Variants in MAN2C1 observed in about 807,000 individuals in gnomAD.
The protein encoded by MAN2C1 is alpha-mannosidase 2C1.
MAN2C1 carries 111 observed loss-of-function variants against 126.9 expected under a neutral mutation model. The ratio of observed to expected loss-of-function variants is 0.87; its 90% confidence interval spans 0.75 to 1.02. The LOEUF (loss-of-function observed/expected upper bound fraction) is 1.02. MAN2C1 is among the 50% of genes least tolerant of loss of function. The pLI is 0.00. For missense variants in MAN2C1, 1,363 were observed against 1,364.4 expected (o/e 1.00, Z 0.02); for synonymous variants, 567 against 561.5 (o/e 1.01, Z -0.14).
rs931793249 is a variant in MAN2C1 at position 75,362,878 on chromosome 15, T to G, written c.791-130A>C. 1.4e-6 allele frequency: 1 copy of G among 722,598 alleles called. No homozygotes were observed. Among genetic ancestry groups the G allele is most frequent in the Non-Finnish European group, 2.4e-6 (1 of 424,624 alleles). 44.8% of individuals were successfully genotyped at this position (722,598 alleles called of 1,614,324 possible). On this transcript the variant is annotated intron_variant, in intron 6 of 25. Coordinates refer to ENST00000267978, the MANE Select transcript of MAN2C1 (RefSeq NM_006715.4). The surrounding 1 kb of genome is among the most constrained non-coding windows in gnomAD (Gnocchi z 4.5). ...ACCCTGGAAAGCCCTGTGGTGTCCC[T>G]CCTAAGTGGTCACTTCACTTCACTC...
Position 75,356,453 on chromosome 15 carries a change from G to C in MAN2C1, c.2738-4C>G, listed in dbSNP as rs758237842. On this transcript the variant is annotated splice_region_variant and splice_polypyrimidine_tract_variant and intron_variant, in intron 23 of 25. Transcript: ENST00000267978. The surrounding 1 kb of genome is among the most constrained non-coding windows in gnomAD (Gnocchi z 5.8). ...ACGCCAGCATCCTGGAAAGAGCCTG[G>C]GGTACGACCAGGAAACAATGCTGGT... The C allele has an allele frequency of 8.2e-6, 13 of 1,593,740 alleles. No homozygotes were observed. The South Asian group carries it at 1.3e-4, about 15-fold the overall frequency.
rs779269212 is a variant in MAN2C1, at chr15:75,364,563, C to T, written c.525G>A (p.Arg175=). The change falls in exon 5 of 26, where the codon CGG becomes CGA. Residue 175 remains arginine, a synonymous_variant. Transcript: ENST00000267978. The stretch of plus-strand genomic sequence containing the variant: ...CCCGGTGGAACACAGCTAGCTCAGC[C>T]CGGCTCAGCTGGAACATCTTCTCAG... ...PDPEKMFQLS[R]AELAVFHRDV... is the part of the protein sequence containing the mutation. 9.3e-6 allele frequency: 15 copies of T among 1,611,980 alleles called. No individual in the cohort carries two copies. Among genetic ancestry groups the T allele is most frequent in the Non-Finnish European group, 1.3e-5 (15 of 1,179,018 alleles).
At chr15:75,358,947 C>G in intron 18 of MAN2C1, 112 bp downstream of exon 18, 2 of 1,508,560 alleles carry the variant, frequency 1.3e-6, no homozygotes, top group African/African-American at 1.4e-5. Flanking sequence ...GTGTGGGTTC[C>G]AGCCCAGAGC....
chr15:75,355,881 C>G lies in MAN2C1; in HGVS notation c.*25G>C. 6.2e-7 allele frequency: 1 copy of G among 1,613,470 alleles called. No homozygotes were observed. Among genetic ancestry groups the G allele is most frequent in the South Asian group, 1.1e-5 (1 of 91,026 alleles). ...AATTAGGAGTCCCCAGAGCCTTCTA[C>G]AAACAAAACCCCAGCCCCAGGGACT... On this transcript the variant is annotated 3_prime_UTR_variant, in exon 26 of 26. Coordinates refer to ENST00000267978, the MANE Select transcript of MAN2C1 (RefSeq NM_006715.4).
chr15:75,356,552 A>G lies in MAN2C1; in HGVS notation c.2737+54T>C, dbSNP rs1332243297. ...GGTTGCTGGGGTTTGGGCTCAGGGA[A>G]GGGCAGAGAGGTGTCTAGGGCTGCA... On this transcript the variant is annotated intron_variant, in intron 23 of 25. Coordinates refer to ENST00000267978, the MANE Select transcript of MAN2C1 (RefSeq NM_006715.4). The surrounding 1 kb of genome is among the most constrained non-coding windows in gnomAD (Gnocchi z 5.8). 6.5e-7 allele frequency: 1 copy of G among 1,547,976 alleles called. No individual in the cohort carries two copies. Among genetic ancestry groups the G allele is most frequent in the African/African-American group, 1.4e-5 (1 of 73,302 alleles).
chr15:75,362,583 C>T lies in MAN2C1; in HGVS notation c.897+59G>A. 7 of 1,576,810 alleles carry T rather than the reference C, an allele frequency of 4.4e-6. No homozygotes were observed. The highest frequency in any genetic ancestry group is 6.1e-6 in the Non-Finnish European group (7 of 1,150,248). Reference sequence around the variant, plus strand: ...CCCAGGCCTGGGAAGCCTTCAGGGCCTGTGGAGCTCCAGGGAGGGCCACGT... The same window carrying T: ...CCCAGGCCTGGGAAGCCTTCAGGGCTTGTGGAGCTCCAGGGAGGGCCACGT... On this transcript the variant is annotated intron_variant, in intron 7 of 25. Coordinates refer to ENST00000267978, the MANE Select transcript of MAN2C1 (RefSeq NM_006715.4). This position sits in a 1 kb window ranked among gnomAD's most constrained non-coding sequence, Gnocchi z 4.5.
intron 4 of MAN2C1, 49 bp from the exon 5 acceptor site, chr15:75,364,714 C>A: frequency 6.7e-7 from 1 of 1,498,484 alleles, no homozygotes; most frequent in Non-Finnish European, 8.9e-7. Context: ...GCACAGTACT[C>A]CGGGGACTTG....
Position 75,359,432 on chromosome 15 carries a change from G to T in MAN2C1, c.1949-7C>A, listed in dbSNP as rs1025611593. ...CTGGGCACTGTCACCAGGGCTGGGG[G>T]TGAGGCCTGGGCATCAGTGCAGCCT... is the stretch of plus-strand genomic sequence containing the variant. On this transcript the variant is annotated splice_polypyrimidine_tract_variant and splice_region_variant and intron_variant, in intron 16 of 25. Transcript: ENST00000267978. 6.2e-7 allele frequency: 1 copy of T among 1,607,122 alleles called. No individual in the cohort carries two copies. Among genetic ancestry groups the T allele is most frequent in the Non-Finnish European group, 8.5e-7 (1 of 1,176,372 alleles).
chr15:75,363,711 C>T, intron 6 of MAN2C1: 1 of 394,408 alleles, frequency 2.5e-6, no homozygotes. Flanking sequence ...GAGGCTGAGG[C>T]AAGAGAATCG....
In MAN2C1 at chr15:75,360,097, G is replaced by A. The variant is rs2072436528; in HGVS notation, c.1699C>T (p.Leu567Phe). Residue 567 changes from leucine to phenylalanine, a missense_variant, in exon 14 of 26, where the codon CTC becomes TTC. Around this residue, in one of 3 missense-constraint regions of MAN2C1, gnomAD observed 668 missense variants for 650.1 expected, o/e 1.03. Coordinates refer to ENST00000267978, the MANE Select transcript of MAN2C1 (RefSeq NM_006715.4). ...GGACAGAACTGGGCTGACCTCCAGA[G>A]GTGCTGCAGCTGGGCTGCTGGGTAT... ...FLYPAAQLQHLWRLLLLNQFH... is the reference protein window; with the variant it reads ...FLYPAAQLQHFWRLLLLNQFH... 6.2e-7 allele frequency: 1 copy of A among 1,614,028 alleles called. No individual in the cohort carries two copies. The highest frequency in any genetic ancestry group is 8.5e-7 in the Non-Finnish European group (1 of 1,180,016).
chr15:75,360,406 C>T, intron 13 of MAN2C1, 159 bp downstream of exon 13: 2 of 1,297,744 alleles, frequency 1.5e-6, no homozygotes, highest in Non-Finnish European at 2.1e-6. Context: ...GGGTTTCTGC[C>T]TCCTTCAAGC....
In MAN2C1 at chr15:75,356,257, A is replaced by G. The variant is rs1180118525; in HGVS notation, c.2887-38T>C. The stretch of plus-strand genomic sequence containing the variant: ...ACGTCTGGTGGGAGGGGCCGAGGGC[A>G]GGCCCAGTTCGGAACCCCGTCCCCA... On this transcript the variant is annotated intron_variant, in intron 24 of 25. Transcript: ENST00000267978. This position sits in a 1 kb window ranked among gnomAD's most constrained non-coding sequence, Gnocchi z 5.8. 4 of 1,612,146 alleles carry G rather than the reference A, an allele frequency of 2.5e-6. No homozygotes were observed. In the South Asian group the frequency reaches 3.3e-5, roughly 13 times the overall value.
At chr15:75,366,462 T>C in intron 4 of MAN2C1, 60 bp downstream of exon 4, 1 of 1,468,280 alleles carries the variant, frequency 6.8e-7, no homozygotes, top group African/African-American at 1.4e-5. Context: ...CCTCAGCTCC[T>C]CCTTGCTCAC....
rs567167741 is a variant in MAN2C1 at position 75,360,145 on chromosome 15, G to C, written c.1651C>G (p.Leu551Val). The C allele has an allele frequency of 8.1e-6, 13 of 1,613,740 alleles. No individual in the cohort carries two copies. The South Asian group carries it at 1.4e-4, about 18-fold the overall frequency. Residue 551 changes from leucine to valine, a missense_variant, in exon 14 of 26, where the codon CTG becomes GTG. This residue lies in a region of MAN2C1 where 668 missense variants were observed against 650.1 expected (regional missense o/e 1.03). Coordinates refer to ENST00000267978, the MANE Select transcript of MAN2C1 (RefSeq NM_006715.4). ...HDVELLSSLA[L>V]ARSAQFLYPA... Reference sequence around the variant, plus strand: ...TATAGGAACTGGGCACTGCGGGCCAGGGCCAGGCTACTGAGCAGCTCCACG... The same window carrying C: ...TATAGGAACTGGGCACTGCGGGCCACGGCCAGGCTACTGAGCAGCTCCACG...
intron 4 of MAN2C1, chr15:75,365,744 C>A (rs1001277401): frequency 4.6e-5 from 9 of 196,038 alleles, no homozygotes; most frequent in East Asian, 1.8e-4. Context: ...TCCAAAAAAA[C>A]CCCCCCGAAA....
chr15:75,362,734 AG>A lies in MAN2C1; in HGVS notation c.804del (p.Phe269SerfsTer5). Reference protein sequence around the residue: ...HCHIDTAWLWPFKETVRKCAR... With the variant: ...HCHIDTAWLWXFKETVRKCAR... ...GCACATTTCCTCACAGTCTCTTTGA[AG>A]GGCCAAAGCCAGGCTATACGGGGAG... On this transcript the variant is annotated frameshift_variant, in exon 7 of 26. Transcript: ENST00000267978. LOFTEE classifies it high-confidence loss of function. This position sits in a 1 kb window ranked among gnomAD's most constrained non-coding sequence, Gnocchi z 4.5. 6.2e-7 allele frequency: 1 copy of A among 1,614,078 alleles called. No homozygotes were observed. Among genetic ancestry groups the A allele is most frequent in the Non-Finnish European group, 8.5e-7 (1 of 1,179,990 alleles).
chr15:75,361,634 T>C lies in MAN2C1; in HGVS notation c.1188A>G (p.Lys396=), dbSNP rs1169348315. 11 of 1,613,952 alleles carry C rather than the reference T, an allele frequency of 6.8e-6. No homozygotes were observed. The highest frequency in any genetic ancestry group is 8.5e-6 in the Non-Finnish European group (10 of 1,179,984). ...GCGIRRFLTQ[K]LSWNLVNSFP... ...AGGAGTTCACCAAATTCCAGCTCAA[T>C]TTCTGGGTGAGAAAGCGCCTGATGC... Residue 396 remains lysine, a synonymous_variant, in exon 10 of 26, where the codon AAA becomes AAG. Transcript: ENST00000267978. The surrounding 1 kb of genome is among the most constrained non-coding windows in gnomAD (Gnocchi z 5.0).
chr15:75,356,607 C>CT lies in MAN2C1; in HGVS notation c.2735dup (p.Ser914LeufsTer65), dbSNP rs2072310656. ...GGCCCCACCGTCCCCAGCACTCACC[C>CT]TTGTGCGGCATCAGTGCATAGGTGA... On this transcript the variant is annotated frameshift_variant and splice_region_variant, in exon 23 of 26. Transcript: ENST00000267978. LOFTEE classifies it high-confidence loss of function. The surrounding 1 kb of genome is among the most constrained non-coding windows in gnomAD (Gnocchi z 5.8). The CT allele has an allele frequency of 6.4e-6, 10 of 1,559,680 alleles. No homozygotes were observed. The highest frequency in any genetic ancestry group is 8.7e-6 in the Non-Finnish European group (10 of 1,152,300).
chr15:75,366,507 G>A lies in MAN2C1; in HGVS notation c.422+15C>T, dbSNP rs992438454. 6.2e-7 allele frequency: 1 copy of A among 1,610,934 alleles called. No individual in the cohort carries two copies. The highest frequency in any genetic ancestry group is 8.5e-7 in the Non-Finnish European group (1 of 1,177,802). ...CTCCCTGACAGCACTGGTCAACCAG[G>A]GCACAGGGACTCACCTTCGGGGGTC... On this transcript the variant is annotated intron_variant, in intron 4 of 25. Coordinates refer to ENST00000267978, the MANE Select transcript of MAN2C1 (RefSeq NM_006715.4).
Sources: gnomAD v4.1 joint callset for allele counts on GRCh38, gnomAD v4.1.1 for gene constraint, gnomAD v4.1.1 regional missense constraint, Gnocchi (gnomAD v3.1) non-coding constraint, MANE v1.5 for transcripts, NCBI Gene and HGNC (gene_info 2026-07-23, HGNC 2026-07-21) for gene names.